ELL: variants seen among roughly 807,000 people sequenced by gnomAD.
The protein encoded by ELL is RNA polymerase II elongation factor ELL.
Under a neutral mutation model 64.0 loss-of-function variants are expected in ELL, and 18 were observed. The ratio of observed to expected loss-of-function variants is 0.28; its 90% CI spans 0.19 to 0.42. ELL has a LOEUF of 0.42. Ranked by LOEUF, ELL falls within the 10% of genes least tolerant of loss-of-function variation. ELL has a pLI of 1.00. For missense variants in ELL, 797 were observed against 870.4 expected (o/e 0.92, Z 1.06); for synonymous variants, 399 against 376.2 (o/e 1.06, Z -0.70).
chr19:18,513,667 C>T (rs1262053525), intron 1 of ELL, among the ~76,000 whole-genome samples: 3 of 152,172 alleles, frequency 2.0e-5, no homozygotes, highest in African/African-American at 7.2e-5. Context: ...CCCAGTGGCT[C>T]ACGCCTGTAA....
intron 1 of ELL, among the ~76,000 whole-genome samples, chr19:18,475,353 G>A (rs1975154514): frequency 6.6e-6 from 1 of 152,214 alleles, no homozygotes; most frequent in Admixed American, 6.5e-5. Context: ...AAAAGAAGCT[G>A]ACAAGAGCAA....
At chr19:18,459,389 G>A (rs891843149) in intron 5 of ELL, among the ~76,000 whole-genome samples, 4 of 152,216 alleles carry the variant, frequency 2.6e-5, no homozygotes, top group Non-Finnish European at 5.9e-5. Flanking sequence ...GAAGCTCCAG[G>A]TCACTGCCCT....
intron 1 of ELL, among the ~76,000 whole-genome samples, chr19:18,494,804 C>T (rs1232401405): frequency 6.6e-6 from 1 of 152,214 alleles, no homozygotes; most frequent in East Asian, 1.9e-4. Flanking sequence ...GGGCATCTTC[C>T]TGTCTCTGCC....
intron 1 of ELL, among the ~76,000 whole-genome samples, chr19:18,511,570 T>C (rs981151009): frequency 6.6e-6 from 1 of 152,096 alleles, no homozygotes; most frequent in Non-Finnish European, 1.5e-5. Flanking sequence ...CACGATGTGG[T>C]CCATCCACAC....
rs557993109 is a variant in ELL, at chr19:18,457,779, G to A, written c.869+426C>T. Among the ~76,000 whole-genome samples the A allele has an allele frequency of 1.2e-3, 176 of 152,266 alleles. 5 individuals are homozygous for A. In the South Asian group the frequency reaches 0.035, roughly 30 times the overall value. ...GCTGCTTAATGACGCCTGCCCTGCCGGGAGTGTCGTTTGGCCTTATTTCTC... is the reference window on the plus strand; with the variant it reads ...GCTGCTTAATGACGCCTGCCCTGCCAGGAGTGTCGTTTGGCCTTATTTCTC... On this transcript the variant is annotated intron_variant, in intron 6 of 11. Coordinates refer to ENST00000262809, the MANE Select transcript of ELL (RefSeq NM_006532.4).
rs76967930 is a variant in ELL, at chr19:18,511,563, G to A, written c.135+10358C>T. 3.2e-4 allele frequency among the ~76,000 whole-genome samples: 48 copies of A among 152,310 alleles called. No individual in the cohort carries two copies. In the East Asian group the frequency reaches 4.4e-3, roughly 14 times the overall value. ...CATGGACAGAGGAATGGATGAGCAC[G>A]ATGTGGTCCATCCACACCACAGGAC... On this transcript the variant is annotated intron_variant, in intron 1 of 11. Transcript: ENST00000262809.
intron 7 of ELL, among the ~76,000 whole-genome samples, chr19:18,451,188 AG>A (rs1216408340): frequency 6.6e-6 from 1 of 152,140 alleles, no homozygotes; most frequent in Non-Finnish European, 1.5e-5. Context: ...GGGGGAGGGC[AG>A]GGCCCAGTGT....
At chr19:18,456,154 C>A (rs557659155) in intron 6 of ELL, among the ~76,000 whole-genome samples, 1 of 151,974 alleles carries the variant, frequency 6.6e-6, no homozygotes, top group South Asian at 2.1e-4. Flanking sequence ...TAGCAGCCTG[C>A]CAAGAGCAGT....
chr19:18,502,908 A>G (rs946662636), intron 1 of ELL, among the ~76,000 whole-genome samples: 1 of 152,226 alleles, frequency 6.6e-6, no homozygotes, highest in Non-Finnish European at 1.5e-5. Flanking sequence ...AATGCCCAGC[A>G]GAGCTTCGGT....
At chr19:18,513,607 G>T (rs1307738843) in intron 1 of ELL, among the ~76,000 whole-genome samples, 1 of 151,376 alleles carries the variant, frequency 6.6e-6, no homozygotes, top group Non-Finnish European at 1.5e-5. Context: ...ATAGTAAAAA[G>T]GAAAAAAAAA....
rs375691800 is a variant in ELL, at chr19:18,465,490, G to T, written c.391C>A (p.Arg131=). Residue 131 remains arginine (R), a synonymous_variant, in exon 4 of 12, where the codon CGG becomes AGG. Transcript: ENST00000262809. ...CATDDSYQKA[R]QSMAQAEEET... ...TCCTCCGCCTGGGCCATGCTCTGCC[G>T]CGCCTTCTGGTAGGAGTCGTCGGTG... 3.1e-6 allele frequency: 5 copies of T among 1,613,084 alleles called. No individual in the cohort carries two copies. Among genetic ancestry groups the T allele is most frequent in the East Asian group, 2.2e-5 (1 of 44,846 alleles).
intron 9 of ELL, 28 bp from the exon 10 acceptor site, chr19:18,446,508 T>TA (rs747400381): frequency 6.2e-7 from 1 of 1,603,672 alleles, no homozygotes; most frequent in Admixed American, 1.7e-5. Flanking sequence ...GGCCACTGAG[T>TA]GGAGGCTGGA....
In ELL at chr19:18,446,372, C is replaced by T. The variant is rs201517236; in HGVS notation, c.1641G>A (p.Thr547=). ...RDLHARIERI[T]RRFTQLDAQL... ...GGGCGTCGAGCTGGGTGAACCGCCGCGTGATGCGCTCAATGCGGGCGTGCA... is the reference window on the plus strand; with the variant it reads ...GGGCGTCGAGCTGGGTGAACCGCCGTGTGATGCGCTCAATGCGGGCGTGCA... Residue 547 remains threonine (T), a synonymous_variant, in exon 10 of 12, where the codon ACG becomes ACA. Transcript: ENST00000262809. The T allele has an allele frequency of 1.3e-5, 21 of 1,609,744 alleles. No individual in the cohort carries two copies. Among genetic ancestry groups the T allele is most frequent in the African/African-American group, 8.0e-5 (6 of 75,050 alleles).
intron 1 of ELL, chr19:18,473,201 A>AC (rs1424318069): frequency 1.6e-6 from 1 of 621,952 alleles, no homozygotes; most frequent in Non-Finnish European, 3.0e-6. Context: ...TTGGAAAGCC[A>AC]CCACCAGCCT....
intron 8 of ELL, chr19:18,448,149 T>A (rs1210304283): frequency 6.6e-6 from 1 of 151,694 alleles, no homozygotes; most frequent in Non-Finnish European, 1.5e-5. Flanking sequence ...TCGCCTAGGC[T>A]GGTCTTGAAC....
At chr19:18,520,646 C>T (rs1976245585) in intron 1 of ELL, among the ~76,000 whole-genome samples, 1 of 152,116 alleles carries the variant, frequency 6.6e-6, no homozygotes, top group East Asian at 1.9e-4. Context: ...TGGAGCTGAA[C>T]AAGTTCGGGG....
intron 6 of ELL, among the ~76,000 whole-genome samples, chr19:18,452,802 GAGA>G (rs751058536): frequency 9.2e-5 from 14 of 152,322 alleles, no homozygotes; most frequent in South Asian, 2.1e-4. Context: ...GTGGCCTCAG[GAGA>G]AGAAGAAACA....
rs111460535 is a variant in ELL, at chr19:18,521,007, A to G, written c.135+914T>C. 3.8e-3 allele frequency among the ~76,000 whole-genome samples: 573 copies of G among 151,662 alleles called. 2 individuals are homozygous for G. The highest frequency in any genetic ancestry group is 0.012 in the African/African-American group (478 of 41,328). Reference sequence around the variant, plus strand: ...TGCGCCCCAAAGTCAGGCCCAAGAGAACATACACAGCAGCCTCCCCTCCCC... The same window carrying G: ...TGCGCCCCAAAGTCAGGCCCAAGAGGACATACACAGCAGCCTCCCCTCCCC... On this transcript the variant is annotated intron_variant, in intron 1 of 11. Coordinates refer to ENST00000262809, the MANE Select transcript of ELL (RefSeq NM_006532.4).
chr19:18,499,959 AAGTGCTTAAGCAAAAC>A (rs1286799405), intron 1 of ELL, among the ~76,000 whole-genome samples: 1 of 152,212 alleles, frequency 6.6e-6, no homozygotes, highest in African/African-American at 2.4e-5. Context: ...CAAACCCATT[AAGTGCTTAAGCAAAAC>A]ACGAGGCCAG....
Sources: allele counts gnomAD v4.1 joint callset (sites outside exome capture counted in the v4.1 genomes callset), GRCh38; gene constraint gnomAD v4.1.1; transcripts MANE v1.5; gene names NCBI Gene and HGNC (gene_info 2026-07-23, HGNC 2026-07-21).